DHRS9: variants seen among roughly 807,000 people sequenced by gnomAD.
DHRS9 encodes the protein dehydrogenase/reductase 9, also known as dehydrogenase/reductase SDR family member 9.
A neutral mutation model predicts 26.6 loss-of-function variants in DHRS9; 18 were observed. That is an observed-to-expected ratio of 0.68 (90% CI 0.47 to 1.00). The LOEUF (loss-of-function observed/expected upper bound fraction) is 1.00, where lower values mean the gene tolerates loss of function less well. Ranked by LOEUF, DHRS9 falls within the 50% of genes least tolerant of loss-of-function variation. DHRS9 has a pLI of 0.00. For synonymous variants in DHRS9, 134 were observed against 141.1 expected (o/e 0.95, Z 0.36); for missense variants, 425 against 378.7 (o/e 1.12, Z -1.01).
chr2:169,092,538 AATGGTGCTAG>A (rs1484883687), intron 4 of DHRS9, among the ~76,000 whole-genome samples: 1 of 152,240 alleles, frequency 6.6e-6, no homozygotes, highest in Non-Finnish European at 1.5e-5. Flanking sequence ...ACAGCCCAGA[AATGGTGCTAG>A]ATGGTGTGGT....
upstream of DHRS9, chr2:169,067,187 G>A (rs1357516527): frequency 6.5e-7 from 1 of 1,535,628 alleles, no homozygotes; most frequent in Non-Finnish European, 8.7e-7. Context: ...TCTATCACCA[G>A]CCTCACCCTC....
chr2:169,080,383 CTGA>C (rs1342863252), intron 1 of DHRS9, among the ~76,000 whole-genome samples: 13 of 152,334 alleles, frequency 8.5e-5, no homozygotes. Context: ...GGGGAGGGAG[CTGA>C]TGATCTCATT....
At chr2:169,067,226 A>G, upstream of DHRS9, 1 of 1,535,574 alleles carries the variant, frequency 6.5e-7, no homozygotes, top group African/African-American at 1.4e-5. Context: ...GTGACACTGG[A>G]TATACTCCAG....
chr2:169,068,664 T>C (rs948966154), upstream of DHRS9, among the ~76,000 whole-genome samples: 1 of 152,208 alleles, frequency 6.6e-6, no homozygotes, highest in Admixed American at 6.5e-5. Context: ...TGACTCTACC[T>C]AGACAGATAT....
At chr2:169,074,909 C>A (rs1683918542) in intron 1 of DHRS9, among the ~76,000 whole-genome samples, 1 of 152,094 alleles carries the variant, frequency 6.6e-6, no homozygotes, top group South Asian at 2.1e-4. Context: ...TAATGTGAGT[C>A]CATTCTTAAC....
At chr2:169,084,253 A>T (rs577628905) in intron 3 of DHRS9, among the ~76,000 whole-genome samples, 2 of 152,284 alleles carry the variant, frequency 1.3e-5, no homozygotes, top group African/African-American at 4.8e-5. Context: ...ATGGACATTT[A>T]GGTTGCTTCC....
intron 3 of DHRS9, among the ~76,000 whole-genome samples, chr2:169,088,286 C>A (rs1349358869): frequency 6.6e-6 from 1 of 152,172 alleles, no homozygotes; most frequent in African/African-American, 2.4e-5. Context: ...AGTTCCAATG[C>A]AAAGTCCCAC....
chr2:169,067,144 A>G (rs750609394), upstream of DHRS9: 6 of 1,535,506 alleles, frequency 3.9e-6, no homozygotes, highest in East Asian at 1.5e-4. Flanking sequence ...GGATTACATC[A>G]TTATGCCAGA....
chr2:169,069,599 C>T lies in DHRS9; in HGVS notation c.-178C>T. ...TACGGAAACCCAGGCACCTCGACCT[C>T]AAGAGGATCAGCCTGGCCAGGGTGG... On this transcript the variant is annotated 5_prime_UTR_variant, in exon 1 of 5. Transcript: ENST00000674881. 1 of 985,470 alleles carries T rather than the reference C, an allele frequency of 1.0e-6. No individual in the cohort carries two copies. The highest frequency in any genetic ancestry group is 1.7e-5 in the African/African-American group (1 of 57,364). The allele number at this position is 985,470 out of a possible 1,614,324, so 61.0% of individuals were successfully genotyped here. A position where few individuals can be genotyped will look rare whatever the true frequency, so the allele number is the denominator to read the frequency against.
At chr2:169,093,984 T>C (rs1416840636) in intron 4 of DHRS9, among the ~76,000 whole-genome samples, 1 of 152,216 alleles carries the variant, frequency 6.6e-6, no homozygotes, top group South Asian at 2.1e-4. Flanking sequence ...ATGATAGCTC[T>C]ACTTTGAATT....
chr2:169,081,598 T>C lies in DHRS9; in HGVS notation c.17T>C (p.Leu6Pro). 1.2e-6 allele frequency: 2 copies of C among 1,614,140 alleles called. No individual in the cohort carries two copies. Among genetic ancestry groups the C allele is most frequent in the Non-Finnish European group, 1.7e-6 (2 of 1,180,000 alleles). The change falls in exon 2 of 5, where the codon CTA (leucine) becomes CCA (proline). Residue 6 changes from leucine to proline, a missense_variant. Physicochemically the swap from Leu to Pro is moderately conservative, Grantham distance 98. Coordinates refer to ENST00000674881, the MANE Select transcript of DHRS9 (RefSeq NM_001376924.1). MLFWV[L>P]GLLILCGFLW... ...GGGGGAAAAATGCTCTTTTGGGTGC[T>C]AGGCCTCCTAATCCTCTGTGGTTTT...
At chr2:169,091,613 A>G (rs1399677211) in intron 3 of DHRS9, among the ~76,000 whole-genome samples, 177 bp from the exon 4 acceptor site, 1 of 152,122 alleles carries the variant, frequency 6.6e-6, no homozygotes, top group Non-Finnish European at 1.5e-5. Context: ...TCACTTCACC[A>G]CTCTGAACCT....
chr2:169,082,474 T>A (rs1678148535), intron 2 of DHRS9, among the ~76,000 whole-genome samples: 2 of 152,206 alleles, frequency 1.3e-5, no homozygotes, highest in African/African-American at 4.8e-5. Flanking sequence ...TTGAATGAAG[T>A]GTGAAACATT....
chr2:169,071,290 G>C (rs1683798061), intron 1 of DHRS9, among the ~76,000 whole-genome samples: 1 of 152,160 alleles, frequency 6.6e-6, no homozygotes, highest in African/African-American at 2.4e-5. Context: ...AGTAATCATA[G>C]CTTTAACAAT....
chr2:169,096,046 T>G lies in DHRS9; in HGVS notation c.*279T>G, dbSNP rs1684688666. 2 of 445,416 alleles carry G rather than the reference T, an allele frequency of 4.5e-6. No homozygotes were observed. The highest frequency in any genetic ancestry group is 7.5e-5 in the Admixed American group (2 of 26,524). The allele number at this position is 445,416 out of a possible 1,614,324, so 27.6% of individuals were successfully genotyped here. On this transcript the variant is annotated 3_prime_UTR_variant, in exon 5 of 5. Transcript: ENST00000674881. ...TGTGATGTAAGGGAAATTGAAAGAC[T>G]TGCCCATTCAAAATGATCTTTACCG...
At chr2:169,082,009 T>C in intron 2 of DHRS9, 115 bp downstream of exon 2, 1 of 1,069,358 alleles carries the variant, frequency 9.4e-7, no homozygotes, top group Non-Finnish European at 1.3e-6. Context: ...GTTTCCTAAA[T>C]ACCGGCTGTG....
intron 1 of DHRS9, among the ~76,000 whole-genome samples, chr2:169,073,471 T>C (rs1259332708): frequency 6.6e-6 from 1 of 152,208 alleles, no homozygotes; most frequent in Admixed American, 6.5e-5. Context: ...AACCAGGAAC[T>C]TGAGAATCAT....
At chr2:169,088,696 C>G (rs996032834) in intron 3 of DHRS9, among the ~76,000 whole-genome samples, 1 of 152,196 alleles carries the variant, frequency 6.6e-6, no homozygotes, top group Non-Finnish European at 1.5e-5. Context: ...AGTGGCAGAA[C>G]TGAGATTTGA....
intron 1 of DHRS9, chr2:169,074,165 T>C (rs1343566848): frequency 1.8e-6 from 1 of 554,854 alleles, no homozygotes; most frequent in African/African-American, 2.1e-5. Flanking sequence ...CACCCTGCCA[T>C]GAAGATAACA....
Sources: allele counts gnomAD v4.1 joint callset (sites outside exome capture counted in the v4.1 genomes callset), GRCh38; gene constraint gnomAD v4.1.1; transcripts MANE v1.5; gene names NCBI Gene and HGNC (gene_info 2026-07-23, HGNC 2026-07-21).